Variants in IL1RAP observed in about 807,000 individuals in gnomAD.
IL1RAP encodes interleukin 1 receptor accessory protein.
A neutral mutation model predicts 60.7 loss-of-function variants in IL1RAP; 35 were observed. The ratio of observed to expected loss-of-function variants is 0.58; its 90% CI spans 0.44 to 0.76. IL1RAP has a LOEUF of 0.76. IL1RAP is among the 30% of genes least tolerant of loss of function. The pLI is 0.00. For missense variants in IL1RAP, 572 were observed against 693.9 expected (o/e 0.82, Z 1.97); for synonymous variants, 268 against 250.9 (o/e 1.07, Z -0.64).
chr3:190,565,865 A>G (rs904355386), intron 3 of IL1RAP, among the ~76,000 whole-genome samples: 3 of 152,162 alleles, frequency 2.0e-5, no homozygotes, highest in Non-Finnish European at 4.4e-5. Flanking sequence ...ATCTTAACTA[A>G]AAATCCCTAC....
In IL1RAP at chr3:190,556,812, A is replaced by C. The variant is rs1725472159; in HGVS notation, c.-2+596A>C. On this transcript the variant is annotated intron_variant, in intron 2 of 11. Coordinates refer to ENST00000447382, the MANE Select transcript of IL1RAP (RefSeq NM_002182.4). ...ATTGTCTACTACTCCATAGTTCCTC[A>C]ATTATTTCACATCTATTATCTCACT... Among the ~76,000 whole-genome samples, 3 of 152,176 alleles carry C rather than the reference A, an allele frequency of 2.0e-5. No homozygotes were observed. In the South Asian group the frequency reaches 6.2e-4, roughly 31 times the overall value.
At chr3:190,588,233 C>G (rs1728636845) in intron 3 of IL1RAP, among the ~76,000 whole-genome samples, 1 of 152,190 alleles carries the variant, frequency 6.6e-6, no homozygotes, top group African/African-American at 2.4e-5. Flanking sequence ...CCTGCCTCAG[C>G]CTCCTGAGTA....
intron 7 of IL1RAP, chr3:190,624,864 T>A (rs1732102130): frequency 6.1e-6 from 1 of 162,992 alleles, no homozygotes; most frequent in Admixed American, 6.5e-5. Flanking sequence ...GTCCCTGAAG[T>A]CTTCAGCTCA....
In IL1RAP at chr3:190,604,328, G is replaced by T; in HGVS notation, c.265G>T (p.Glu89Ter). 1 of 1,613,870 alleles carries T rather than the reference G, an allele frequency of 6.2e-7. No homozygotes were observed. The highest frequency in any genetic ancestry group is 8.5e-7 in the Non-Finnish European group (1 of 1,179,978). The change falls in exon 4 of 12, where the codon GAG (glutamate) becomes TAG (stop). Residue 89 changes from glutamate (E) to a stop codon, truncating the protein, a stop_gained. Transcript: ENST00000447382. LOFTEE classifies it high-confidence loss of function. Reference sequence around the variant, plus strand: ...GGAGCCAATTAACTTCCGCCTCCCCGAGAACCGCATTAGTAAGGAGAAAGA... The same window carrying T: ...GGAGCCAATTAACTTCCGCCTCCCCTAGAACCGCATTAGTAAGGAGAAAGA... ...LEEPINFRLP[E>*]NRISKEKDVL...
rs537005716 is a variant in IL1RAP, at chr3:190,622,763, G to T, written c.704-581G>T. ...GCTTGTGGATGTCCTTACCAACCTA[G>T]AAGCTCTCCGAACCTCATTGTTTAG... On this transcript the variant is annotated intron_variant, in intron 6 of 11. Transcript: ENST00000447382. Among the ~76,000 whole-genome samples, 36 of 152,220 alleles carry T rather than the reference G, an allele frequency of 2.4e-4. 1 individual carries two copies. The highest frequency in any genetic ancestry group is 8.4e-4 in the African/African-American group (35 of 41,546).
intron 2 of IL1RAP, among the ~76,000 whole-genome samples, chr3:190,556,564 C>T (rs949530629): frequency 2.0e-5 from 3 of 152,130 alleles, no homozygotes; most frequent in Non-Finnish European, 2.9e-5. Context: ...TTTCCAATTT[C>T]ATCATAGAGG....
intron 3 of IL1RAP, among the ~76,000 whole-genome samples, chr3:190,583,220 A>C (rs2108683781): frequency 6.6e-6 from 1 of 152,374 alleles, no homozygotes; most frequent in Middle Eastern, 3.4e-3. Flanking sequence ...AAGCTCCATG[A>C]CAACAGGCAG....
At position 190,529,583 on chromosome 3, in the gene IL1RAP, G is replaced by T. The variant is rs1249707032; in HGVS notation, c.-89+15364G>T. Among the ~76,000 whole-genome samples the T allele has an allele frequency of 2.0e-5, 3 of 152,024 alleles. No individual in the cohort carries two copies. The East Asian group carries it at 5.8e-4, about 29-fold the overall frequency. ...GCCTGTACTCCCAGCTCCTTGGGAGGCTGAGGCAGGAGAATCACTTGAACC... is the reference window on the plus strand; with the variant it reads ...GCCTGTACTCCCAGCTCCTTGGGAGTCTGAGGCAGGAGAATCACTTGAACC... On this transcript the variant is annotated intron_variant, in intron 1 of 11. Coordinates refer to ENST00000447382, the MANE Select transcript of IL1RAP (RefSeq NM_002182.4).
chr3:190,530,453 G>A (rs974955781), intron 1 of IL1RAP, among the ~76,000 whole-genome samples: 2 of 152,156 alleles, frequency 1.3e-5, no homozygotes, highest in Non-Finnish European at 2.9e-5. Context: ...CTCACTAAAG[G>A]AGGTGACCCA....
In IL1RAP at chr3:190,626,664, CTTTTTTTTTTTT is replaced by C. The variant is rs766018376; in HGVS notation, c.776-647_776-636del. On this transcript the variant is annotated intron_variant, in intron 7 of 11. Coordinates refer to ENST00000447382, the MANE Select transcript of IL1RAP (RefSeq NM_002182.4). ...GGCTAAAAAGAATATTGTCAGAGAC[CTTTTTTTTTTTT>C]TTTTTTTTTTTGGAGATGGAGTCTC... Among the ~76,000 whole-genome samples, 492 of 100,010 alleles carry C rather than the reference CTTTTTTTTTTTT, an allele frequency of 4.9e-3. 5 individuals are homozygous for C. Among genetic ancestry groups the C allele is most frequent in the African/African-American group, 0.02 (471 of 23,086 alleles). The allele number at this position is 100,010 out of a possible 152,430, so 65.6% of individuals were successfully genotyped here.
At chr3:190,561,399 G>A (rs1725878154) in intron 2 of IL1RAP, among the ~76,000 whole-genome samples, 1 of 152,120 alleles carries the variant, frequency 6.6e-6, no homozygotes, top group African/African-American at 2.4e-5. Flanking sequence ...ATTCATCACA[G>A]GGCAGGACTG....
chr3:190,616,368 A>G (rs1431976806), intron 5 of IL1RAP, among the ~76,000 whole-genome samples: 1 of 152,060 alleles, frequency 6.6e-6, no homozygotes, highest in Non-Finnish European at 1.5e-5. Flanking sequence ...TGATTAAATA[A>G]TTGAATGAAT....
At chr3:190,647,626 C>T (rs1176807971) in intron 11 of IL1RAP, among the ~76,000 whole-genome samples, 6 of 151,990 alleles carry the variant, frequency 3.9e-5, no homozygotes, top group East Asian at 1.9e-4. Flanking sequence ...TAGTAATGGT[C>T]GGAGTTTGAG....
At chr3:190,575,964 A>G (rs1344216533) in intron 3 of IL1RAP, among the ~76,000 whole-genome samples, 1 of 152,204 alleles carries the variant, frequency 6.6e-6, no homozygotes, top group East Asian at 1.9e-4. Flanking sequence ...TCCAGAAAAG[A>G]AAGGAAGCCA....
chr3:190,611,548 C>G (rs1730826723), intron 5 of IL1RAP, among the ~76,000 whole-genome samples: 1 of 152,016 alleles, frequency 6.6e-6, no homozygotes, highest in Non-Finnish European at 1.5e-5. Context: ...TCTAAGCATG[C>G]ATATATAGGT....
intron 4 of IL1RAP, among the ~76,000 whole-genome samples, chr3:190,605,302 T>G (rs1348635723): frequency 6.3e-5 from 2 of 31,808 alleles, no homozygotes; most frequent in East Asian, 0.011. Context: ...GTATTCCTCT[T>G]TTTTTTTTCT....
At chr3:190,590,338 C>T (rs1166409876) in intron 3 of IL1RAP, among the ~76,000 whole-genome samples, 1 of 151,968 alleles carries the variant, frequency 6.6e-6, no homozygotes, top group Non-Finnish European at 1.5e-5. Context: ...TCACTGCAAC[C>T]TCTACCTCCC....
chr3:190,583,654 G>A (rs1728197574), intron 3 of IL1RAP, among the ~76,000 whole-genome samples: 1 of 152,196 alleles, frequency 6.6e-6, no homozygotes, highest in African/African-American at 2.4e-5. Context: ...AACAGCTATG[G>A]TGGTTTCAAA....
chr3:190,624,183 C>T lies in IL1RAP; in HGVS notation c.775+768C>T, dbSNP rs145783418. On this transcript the variant is annotated intron_variant, in intron 7 of 11. Transcript: ENST00000447382. ...AATATGAGTGCTATGGCATCCCATG[C>T]GGGAACCATAGCCATACCCAGAAAG... Among the ~76,000 whole-genome samples the T allele has an allele frequency of 4.0e-3, 604 of 152,326 alleles. 9 individuals are homozygous for T. Among genetic ancestry groups the T allele is most frequent in the Admixed American group, 0.03 (459 of 15,300 alleles).
Sources: allele counts gnomAD v4.1 joint callset (sites outside exome capture counted in the v4.1 genomes callset), GRCh38; gene constraint gnomAD v4.1.1; transcripts MANE v1.5; gene names NCBI Gene and HGNC (gene_info 2026-07-23, HGNC 2026-07-21).